Variants in MCFD2 observed in about 807,000 individuals in gnomAD.
The protein encoded by MCFD2 is multiple coagulation factor deficiency protein 2.
Under a neutral mutation model 12.8 loss-of-function variants are expected in MCFD2, and 11 were observed. The observed-to-expected ratio is 0.86, with a 90% CI of 0.54 to 1.42. The LOEUF (loss-of-function observed/expected upper bound fraction) is 1.42. MCFD2 is among the 40% of genes most tolerant of loss of function. MCFD2 has a pLI of 0.00. For synonymous variants in MCFD2, 70 were observed against 68.1 expected (o/e 1.03, Z -0.14); for missense variants, 191 against 178.6 (o/e 1.07, Z -0.40).
chr2:46,909,284 A>T (rs1041341007), intron 1 of MCFD2, 107 bp from the exon 2 acceptor site: 7 of 1,326,714 alleles, frequency 5.3e-6, no homozygotes, highest in Non-Finnish European at 7.4e-6. Flanking sequence ...CAGTAAGGTT[A>T]GGAAGAGAGC....
upstream of MCFD2, chr2:46,917,105 C>G (rs898406070): frequency 5.8e-6 from 4 of 690,776 alleles, no homozygotes; most frequent in South Asian, 4.6e-5. Context: ...CTTTTCCCAC[C>G]TTCATCTGAG....
chr2:46,916,272 G>A, upstream of MCFD2: 4 of 703,350 alleles, frequency 5.7e-6, no homozygotes, highest in Non-Finnish European at 7.0e-6. Context: ...CGCTGGAGCC[G>A]GCCTTGGACC....
rs1300861499 is a variant in MCFD2 at position 46,937,809 on chromosome 2, A to G, written c.-8+3763T>C. 6.6e-6 allele frequency among the ~76,000 whole-genome samples: 1 copy of G among 152,234 alleles called. No individual in the cohort carries two copies. Among genetic ancestry groups the G allele is most frequent in the Admixed American group, 6.5e-5 (1 of 15,274 alleles). On this transcript the variant is annotated intron_variant, in intron 1 of 2. Coordinates refer to the MCFD2 transcript ENST00000409147. The surrounding 1 kb of genome is among the most constrained non-coding windows in gnomAD (Gnocchi z 4.0). The stretch of plus-strand genomic sequence containing the variant: ...TTTGGGGAAGCTGTGAACGTTAGTC[A>G]AGGTCTTTTGGAGGCTATCGGCAGT...
chr2:46,922,608 A>G (rs915253534), intron 1 of MCFD2, among the ~76,000 whole-genome samples: 1 of 152,264 alleles, frequency 6.6e-6, no homozygotes, highest in Non-Finnish European at 1.5e-5. Context: ...CATCTCTGCA[A>G]ATTTTGTTTC....
rs1005780597 is a variant in MCFD2 at position 46,915,731 on chromosome 2, TC to T, written c.-16del. On this transcript the variant is annotated 5_prime_UTR_variant, in exon 1 of 4. Transcript: ENST00000319466. ...TGCGCTAGTTCACTCACCCTTACGGTCTCCGAAGCAGACGCGAAGCCCTCCA... is the reference window on the plus strand; with the variant it reads ...TGCGCTAGTTCACTCACCCTTACGGTTCCGAAGCAGACGCGAAGCCCTCCA... The T allele has an allele frequency of 1.0e-5, 10 of 976,950 alleles. No homozygotes were observed. Among genetic ancestry groups the T allele is most frequent in the Non-Finnish European group, 1.1e-5 (9 of 823,602 alleles). The allele number at this position is 976,950 out of a possible 1,614,324, so 60.5% of individuals were successfully genotyped here.
Position 46,908,521 on chromosome 2 carries a change from C to A in MCFD2, c.149+502G>T. 3.8e-6 allele frequency: 1 copy of A among 260,968 alleles called. No homozygotes were observed. The highest frequency in any genetic ancestry group is 7.5e-6 in the Non-Finnish European group (1 of 134,220). 16.2% of individuals were successfully genotyped at this position (260,968 alleles called of 1,614,324 possible). A position where few individuals can be genotyped will look rare whatever the true frequency, so the allele number is the denominator to read the frequency against. Reference sequence around the variant, plus strand: ...TCAAGTAATCCACCTGCCTCAGCCTCCCAAAGCACTGGGATTACAGGTGTG... The same window carrying A: ...TCAAGTAATCCACCTGCCTCAGCCTACCAAAGCACTGGGATTACAGGTGTG... On this transcript the variant is annotated intron_variant, in intron 2 of 3. Coordinates refer to ENST00000319466, the MANE Select transcript of MCFD2 (RefSeq NM_139279.6). The surrounding 1 kb of genome is among the most constrained non-coding windows in gnomAD (Gnocchi z 4.5).
In MCFD2 at chr2:46,936,763, C is replaced by T. The variant is rs184254578; in HGVS notation, c.-8+4809G>A. Among the ~76,000 whole-genome samples, 9 of 152,238 alleles carry T rather than the reference C, an allele frequency of 5.9e-5. No individual in the cohort carries two copies. In the East Asian group the frequency reaches 1.5e-3, roughly 26 times the overall value. On this transcript the variant is annotated intron_variant, in intron 1 of 2. Coordinates refer to the MCFD2 transcript ENST00000409147. ...AATTTCTGATATGCACAAAAGTATT[C>T]ACTTTAGAATGCAAAGTGAACACAA...
intron 1 of MCFD2, among the ~76,000 whole-genome samples, chr2:46,934,225 G>T (rs1055148374): frequency 6.6e-5 from 10 of 152,066 alleles, no homozygotes; most frequent in Non-Finnish European, 7.4e-5. Flanking sequence ...ACTGTTTTTT[G>T]CAGAAGTTTT....
rs1393361588 is a variant in MCFD2, at chr2:46,940,450, C to T, written c.-8+1122G>A. Among the ~76,000 whole-genome samples the T allele has an allele frequency of 6.6e-6, 1 of 152,184 alleles. No individual in the cohort carries two copies. ...CCCCCAAGGGTGGACCTCGGCTGCC[C>T]CCGCTAGGCCCCGCCCCGTAGTCCT... On this transcript the variant is annotated intron_variant, in intron 1 of 2. Transcript: ENST00000409147. The surrounding 1 kb of genome is among the most constrained non-coding windows in gnomAD (Gnocchi z 4.7).
Position 46,908,679 on chromosome 2 carries a change from A to T in MCFD2, c.149+344T>A, listed in dbSNP as rs905968110. 2.7e-6 allele frequency: 1 copy of T among 373,042 alleles called. No homozygotes were observed. The highest frequency in any genetic ancestry group is 5.1e-6 in the Non-Finnish European group (1 of 197,218). The allele number at this position is 373,042 out of a possible 1,614,324, so 23.1% of individuals were successfully genotyped here. ...ATTTAAAAAAGGTCTTGTTATAGTC[A>T]AGAAACCTTAGCTATTTTCTGGATT... On this transcript the variant is annotated intron_variant, in intron 2 of 3. Transcript: ENST00000319466. This position sits in a 1 kb window ranked among gnomAD's most constrained non-coding sequence, Gnocchi z 4.5.
intron 1 of MCFD2, among the ~76,000 whole-genome samples, chr2:46,932,850 C>A (rs1669780903): frequency 6.9e-6 from 1 of 145,740 alleles, no homozygotes. Flanking sequence ...GCAGCAAGCG[C>A]AGATCGCACC....
intron 1 of MCFD2, among the ~76,000 whole-genome samples, chr2:46,915,202 T>C (rs529617563): frequency 1.3e-5 from 2 of 152,124 alleles, no homozygotes; most frequent in African/African-American, 4.8e-5. Flanking sequence ...CAAGACAACT[T>C]TGCAAGGGAT....
At chr2:46,909,423 C>T (rs368880868) in intron 1 of MCFD2, among the ~76,000 whole-genome samples, 47 of 152,260 alleles carry the variant, frequency 3.1e-4, no homozygotes, top group African/African-American at 1.1e-3. Context: ...CCAAGCAACA[C>T]GTGAAAGCTT....
At chr2:46,915,908 G>C (rs1411595218), upstream of MCFD2, 2 of 985,004 alleles carry the variant, frequency 2.0e-6, no homozygotes, top group Non-Finnish European at 2.4e-6. Context: ...GGCGGGCTGT[G>C]AGGACGGCTC....
intron 1 of MCFD2, among the ~76,000 whole-genome samples, chr2:46,928,121 G>T (rs139321324): frequency 6.6e-6 from 1 of 151,254 alleles, no homozygotes; most frequent in Admixed American, 6.6e-5. Flanking sequence ...CTAACTCCTC[G>T]GCTCAGGTGA....
chr2:46,930,076 T>C (rs1482398859), intron 1 of MCFD2, among the ~76,000 whole-genome samples: 1 of 152,102 alleles, frequency 6.6e-6, no homozygotes, highest in Non-Finnish European at 1.5e-5. Flanking sequence ...GGGAGTTTTT[T>C]ACTATGTATC....
At chr2:46,928,459 T>TAAA (rs35897582) in intron 1 of MCFD2, among the ~76,000 whole-genome samples, 4 of 81,986 alleles carry the variant, frequency 4.9e-5, no homozygotes, top group Admixed American at 1.4e-4. Flanking sequence ...AAAGGGAAAT[T>TAAA]AAAAAAAAAA....
rs1161003607 is a variant in MCFD2 at position 46,934,787 on chromosome 2, CTTTTTTTT to C, written c.-8+6777_-8+6784del. Among the ~76,000 whole-genome samples the C allele has an allele frequency of 1.0e-3, 70 of 66,910 alleles. 2 individuals carry two copies. Among genetic ancestry groups the C allele is most frequent in the African/African-American group, 3.8e-3 (59 of 15,424 alleles). 43.9% of individuals were successfully genotyped at this position (66,910 alleles called of 152,430 possible). On this transcript the variant is annotated intron_variant, in intron 1 of 2. Coordinates refer to the MCFD2 transcript ENST00000409147. ...GGAATAAGGTATGAAGACTACTGCT[CTTTTTTTT>C]TTTTTTTTTTTTTTTTTTTTTTTTG...
chr2:46,941,721 C>T lies in MCFD2; in HGVS notation c.-157G>A. 6.5e-7 allele frequency: 1 copy of T among 1,549,998 alleles called. No individual in the cohort carries two copies. The highest frequency in any genetic ancestry group is 1.2e-5 in the South Asian group (1 of 84,046). ...CGAGCGCAGCGTTCACCTTTCCGGA[C>T]ACCGGTGAGTAAGGGAAGAGGCTGG... On this transcript the variant is annotated 5_prime_UTR_variant, in exon 1 of 3. Transcript: ENST00000409147. This position sits in a 1 kb window ranked among gnomAD's most constrained non-coding sequence, Gnocchi z 4.2.
Sources: gnomAD v4.1 joint callset for allele counts (sites outside exome capture counted in the v4.1 genomes callset) on GRCh38, gnomAD v4.1.1 for gene constraint, Gnocchi (gnomAD v3.1) non-coding constraint, MANE v1.5 for transcripts, NCBI Gene and HGNC (gene_info 2026-07-23, HGNC 2026-07-21) for gene names.